Variants in EXOSC10 observed in about 807,000 individuals in gnomAD.
EXOSC10 encodes the protein exosome component 10.
Under a neutral mutation model 126.6 loss-of-function variants are expected in EXOSC10, and 94 were observed. The observed-to-expected ratio is 0.74, with a 90% CI of 0.63 to 0.88. EXOSC10 has a LOEUF of 0.88. Among genes scored for constraint, EXOSC10 ranks in the 40% least tolerant of loss-of-function variants. The pLI is 0.00. For synonymous variants in EXOSC10, 395 were observed against 400.8 expected (o/e 0.99, Z 0.17); for missense variants, 1,041 against 1,100.5 (o/e 0.95, Z 0.77).
rs1236920385 is a variant in EXOSC10 at position 11,099,607 on chromosome 1, G to A, written c.111+114C>T. The stretch of plus-strand genomic sequence containing the variant: ...TGCGCCCAGCGCGGACAGGGGCCCC[G>A]CGACCCTCGCTCGGGCTCCACTACG... On this transcript the variant is annotated intron_variant, in intron 1 of 24. Transcript: ENST00000376936. 20 of 1,232,732 alleles carry A rather than the reference G, an allele frequency of 1.6e-5. No homozygotes were observed. The Admixed American group carries it at 5.6e-4, about 34-fold the overall frequency. The allele number at this position is 1,232,732 out of a possible 1,614,324, so 76.4% of individuals were successfully genotyped here.
At position 11,099,620 on chromosome 1, in the gene EXOSC10, G is replaced by A; in HGVS notation, c.111+101C>T. The A allele has an allele frequency of 2.3e-6, 3 of 1,321,238 alleles. No homozygotes were observed. The South Asian group carries it at 4.5e-5, about 20-fold the overall frequency. The allele number at this position is 1,321,238 out of a possible 1,614,324, so 81.8% of individuals were successfully genotyped here. A position where few individuals can be genotyped will look rare whatever the true frequency, so the allele number is the denominator to read the frequency against. ...GACAGGGGCCCCGCGACCCTCGCTC[G>A]GGCTCCACTACGGCGGGCGGGCATT... On this transcript the variant is annotated intron_variant, in intron 1 of 24. Transcript: ENST00000376936.
At chr1:11,095,940 G>A (rs987167544) in intron 2 of EXOSC10, 59 bp from the exon 3 acceptor site, 55 of 1,573,886 alleles carry the variant, frequency 3.5e-5, no homozygotes, top group Non-Finnish European at 4.7e-5. Flanking sequence ...TTTACATTCT[G>A]TGAGAGAGAA....
At chr1:11,091,281 G>A (rs542017120) in intron 4 of EXOSC10, 102 bp from the exon 5 acceptor site, 146 of 1,176,914 alleles carry the variant, frequency 1.2e-4, no homozygotes, top group Admixed American at 7.7e-4. Flanking sequence ...CATCGCAAAG[G>A]TCATTCATTC....
chr1:11,083,455 G>A (rs1360450854), intron 9 of EXOSC10, among the ~76,000 whole-genome samples: 1 of 151,504 alleles, frequency 6.6e-6, no homozygotes, highest in Admixed American at 6.6e-5. Context: ...CCAGCTACTT[G>A]GGAGGCCGAG....
chr1:11,079,992 T>G (rs1231234064), intron 13 of EXOSC10, among the ~76,000 whole-genome samples, 170 bp from the exon 14 acceptor site: 1 of 152,048 alleles, frequency 6.6e-6, no homozygotes, highest in Non-Finnish European at 1.5e-5. Context: ...CTTCTCCATG[T>G]GTTCTTTGCG....
chr1:11,087,217 T>C (rs913566795), intron 9 of EXOSC10, among the ~76,000 whole-genome samples: 1 of 152,166 alleles, frequency 6.6e-6, no homozygotes, highest in Non-Finnish European at 1.5e-5. Flanking sequence ...TGGGGCTCAC[T>C]GCAGTAGTCA....
At chr1:11,078,116 TA>T (rs1041756584) in intron 14 of EXOSC10, among the ~76,000 whole-genome samples, 1 of 151,630 alleles carries the variant, frequency 6.6e-6, no homozygotes, top group African/African-American at 2.4e-5. Context: ...TACAAAAAAT[TA>T]AAAAAAACAT....
chr1:11,098,180 C>A, intron 1 of EXOSC10, 24 bp from the exon 2 acceptor site: 1 of 1,585,638 alleles, frequency 6.3e-7, no homozygotes. Context: ...GAAAAGATGG[C>A]ATGTTTACAC....
At chr1:11,070,731 G>A (rs564695915) in intron 21 of EXOSC10, 169 bp downstream of exon 21, 2 of 610,860 alleles carry the variant, frequency 3.3e-6, no homozygotes, top group Admixed American at 3.0e-5. Context: ...CAATCTTGTG[G>A]AGGTTTCGGA....
At chr1:11,068,507 C>T in intron 23 of EXOSC10, 138 bp downstream of exon 23, 1 of 711,508 alleles carries the variant, frequency 1.4e-6, no homozygotes, top group East Asian at 2.5e-5. Context: ...TCAGTACTGT[C>T]TGCCCTTGGG....
intron 14 of EXOSC10, among the ~76,000 whole-genome samples, chr1:11,078,401 G>T (rs1364097538): frequency 6.6e-6 from 1 of 151,476 alleles, no homozygotes; most frequent in East Asian, 1.9e-4. Flanking sequence ...GGGACTACAG[G>T]CGCCCGCCAC....
At chr1:11,069,852 G>T (rs751524288) in intron 21 of EXOSC10, 122 bp from the exon 22 acceptor site, 3 of 1,037,672 alleles carry the variant, frequency 2.9e-6, no homozygotes, top group Non-Finnish European at 4.3e-6. Flanking sequence ...GTCAGTGGTG[G>T]GGAGAGGAGC....
At position 11,077,732 on chromosome 1, in the gene EXOSC10, T is replaced by C. The variant is rs1228411031; in HGVS notation, c.1750-81A>G. 13 of 1,193,618 alleles carry C rather than the reference T, an allele frequency of 1.1e-5. 1 individual carries two copies. The highest frequency in any genetic ancestry group is 1.6e-5 in the Non-Finnish European group (13 of 835,190). 73.9% of individuals were successfully genotyped at this position (1,193,618 alleles called of 1,614,324 possible). Reference sequence around the variant, plus strand: ...CCCCCAGTCTCCAGCGCTGACTGTATTCCTTCACCAGCCTGTTTCTCAAAA... The same window carrying C: ...CCCCCAGTCTCCAGCGCTGACTGTACTCCTTCACCAGCCTGTTTCTCAAAA... On this transcript the variant is annotated intron_variant, in intron 14 of 24. Transcript: ENST00000376936.
intron 3 of EXOSC10, among the ~76,000 whole-genome samples, chr1:11,091,910 G>A (rs916561099): frequency 5.9e-5 from 9 of 152,038 alleles, no homozygotes; most frequent in Admixed American, 3.3e-4. Context: ...GGCTGGTCTC[G>A]AACTCCTGAC....
rs1405839494 is a variant in EXOSC10 at position 11,074,124 on chromosome 1, C to G, written c.2082+107G>C. The G allele has an allele frequency of 3.6e-6, 5 of 1,384,270 alleles. No homozygotes were observed. The South Asian group carries it at 5.8e-5, about 16-fold the overall frequency. 85.7% of individuals were successfully genotyped at this position (1,384,270 alleles called of 1,614,324 possible). A position where few individuals can be genotyped will look rare whatever the true frequency, so the allele number is the denominator to read the frequency against. On this transcript the variant is annotated intron_variant, in intron 18 of 24. Coordinates refer to ENST00000376936, the MANE Select transcript of EXOSC10 (RefSeq NM_001001998.3). ...CTTGTCAGCGTCTTTGCCAGGACACCAGGGCAGCCGACACACTGGCTTCAG... is the reference window on the plus strand; with the variant it reads ...CTTGTCAGCGTCTTTGCCAGGACACGAGGGCAGCCGACACACTGGCTTCAG...
chr1:11,081,177 A>G lies in EXOSC10; in HGVS notation c.1342T>C (p.Tyr448His). The change falls in exon 11 of 25, where the codon TAT (tyrosine) becomes CAT (histidine). Residue 448 changes from tyrosine (Y) to histidine (H), a missense_variant. Tyr to His is a moderately conservative substitution (Grantham distance 83). This residue lies in a region of EXOSC10 where 645 missense variants were observed against 656.3 expected (regional missense o/e 0.98). Transcript: ENST00000376936. ...RDDTHYLLYIYDKMRLEMWER... is the reference protein window; with the variant it reads ...RDDTHYLLYIHDKMRLEMWER... ...CACATCTCCAGCCTCATTTTGTCATAGATATATAGCAGGTAATGGGTGTCA... is the reference window on the plus strand; with the variant it reads ...CACATCTCCAGCCTCATTTTGTCATGGATATATAGCAGGTAATGGGTGTCA... The G allele has an allele frequency of 6.2e-7, 1 of 1,614,112 alleles. No individual in the cohort carries two copies. Among genetic ancestry groups the G allele is most frequent in the Non-Finnish European group, 8.5e-7 (1 of 1,180,010 alleles).
At chr1:11,097,219 CA>C (rs768227312) in intron 2 of EXOSC10, among the ~76,000 whole-genome samples, 353 of 130,994 alleles carry the variant, frequency 2.7e-3, no homozygotes, top group Middle Eastern at 3.8e-3. Flanking sequence ...TCCCCCCCAA[CA>C]AAAAAAAAAA....
At chr1:11,070,774 G>A in intron 21 of EXOSC10, 126 bp downstream of exon 21, 1 of 791,624 alleles carries the variant, frequency 1.3e-6, no homozygotes. Flanking sequence ...AAGCTAAGGT[G>A]AACCGGAAAG....
Position 11,081,250 on chromosome 1 carries a change from G to C in EXOSC10, c.1281-12C>G. On this transcript the variant is annotated splice_polypyrimidine_tract_variant and intron_variant, in intron 10 of 24. Coordinates refer to ENST00000376936, the MANE Select transcript of EXOSC10 (RefSeq NM_001001998.3). ...CCTCGGGCAGAGGGCTGGAATTGCA[G>C]AGGACAATGTTTTACTGATTGCCCC... is the stretch of plus-strand genomic sequence containing the variant. 1 of 1,613,958 alleles carries C rather than the reference G, an allele frequency of 6.2e-7. No individual in the cohort carries two copies. Among genetic ancestry groups the C allele is most frequent in the Non-Finnish European group, 8.5e-7 (1 of 1,179,858 alleles).
Sources: allele counts gnomAD v4.1 joint callset (sites outside exome capture counted in the v4.1 genomes callset), GRCh38; gene constraint gnomAD v4.1.1; regional missense constraint gnomAD v4.1.1; transcripts MANE v1.5; gene names NCBI Gene and HGNC (gene_info 2026-07-23, HGNC 2026-07-21).